ADCY9: variants seen among roughly 807,000 people sequenced by gnomAD.
ADCY9 encodes adenylate cyclase type 9.
ADCY9 carries 50 observed loss-of-function variants against 101.5 expected under a neutral mutation model. The observed-to-expected ratio is 0.49, with a 90% CI of 0.39 to 0.62. The LOEUF (loss-of-function observed/expected upper bound fraction) is 0.62. ADCY9 is among the 20% of genes least tolerant of loss of function. The pLI is 0.00. For synonymous variants in ADCY9, 905 were observed against 769.3 expected (o/e 1.18, Z -2.92); for missense variants, 1,662 against 1,800.4 (o/e 0.92, Z 1.39).
chr16:4,057,038 G>C (rs12926615), intron 2 of ADCY9, among the ~76,000 whole-genome samples: 1,761 of 81,940 alleles, frequency 0.021, 51 homozygotes, highest in African/African-American at 0.036. Context: ...TGATGAAACC[G>C]CCCCCCCCCC....
intron 2 of ADCY9, among the ~76,000 whole-genome samples, chr16:4,045,482 C>A (rs1597188556): frequency 6.7e-6 from 1 of 150,084 alleles, no homozygotes; most frequent in African/African-American, 2.4e-5. Context: ...GTAATCCCAG[C>A]TACTCAGGAG....
chr16:4,114,558 C>A lies in ADCY9; in HGVS notation c.885G>T (p.Gly295=). The stretch of plus-strand genomic sequence containing the variant: ...CCTGGGACATGACGAACAGGTGGAC[C>A]CCGATGGCGTGGATGCAGCCGTGGA... ...GLLHGCIHAI[G]VHLFVMSQVR... is the part of the protein sequence containing the mutation. Residue 295 remains glycine, a synonymous_variant, in exon 2 of 11, where the codon GGG becomes GGT. Transcript: ENST00000294016. This position sits in a 1 kb window ranked among gnomAD's most constrained non-coding sequence, Gnocchi z 4.3. 6.2e-7 allele frequency: 1 copy of A among 1,614,106 alleles called. No homozygotes were observed. Among genetic ancestry groups the A allele is most frequent in the East Asian group, 2.2e-5 (1 of 44,880 alleles).
intron 2 of ADCY9, among the ~76,000 whole-genome samples, chr16:4,051,668 G>A (rs2056702877): frequency 6.6e-6 from 1 of 152,158 alleles, no homozygotes; most frequent in Admixed American, 6.5e-5. Flanking sequence ...TAATGGTAAT[G>A]AATTATAACC....
At chr16:3,975,311 GTTTCC>G (rs949725821) in intron 9 of ADCY9, among the ~76,000 whole-genome samples, 1 of 152,170 alleles carries the variant, frequency 6.6e-6, no homozygotes, top group East Asian at 1.9e-4. Context: ...ATTCATTAAA[GTTTCC>G]TTTCAAGTAC....
chr16:4,061,516 G>C (rs922998327), intron 2 of ADCY9, among the ~76,000 whole-genome samples: 1 of 152,072 alleles, frequency 6.6e-6, no homozygotes, highest in African/African-American at 2.4e-5. Context: ...ATTAACAGCT[G>C]ACTTCACGTT....
At chr16:4,040,446 G>T (rs1304636317) in intron 2 of ADCY9, among the ~76,000 whole-genome samples, 1 of 149,184 alleles carries the variant, frequency 6.7e-6, no homozygotes, top group Non-Finnish European at 1.5e-5. Context: ...TCATTAAAAT[G>T]ACATCTTCTT....
At chr16:4,092,006 C>G (rs556563838) in intron 2 of ADCY9, among the ~76,000 whole-genome samples, 1 of 152,250 alleles carries the variant, frequency 6.6e-6, no homozygotes, top group South Asian at 2.1e-4. Context: ...CTGTGGCTCA[C>G]GCCTGTAATC....
At chr16:4,019,247 G>C (rs767859980) in intron 2 of ADCY9, among the ~76,000 whole-genome samples, 3 of 152,126 alleles carry the variant, frequency 2.0e-5, no homozygotes, top group Non-Finnish European at 4.4e-5. Context: ...CTGCCAAAGT[G>C]CTGGAATTAC....
chr16:3,983,838 T>C (rs1006646145), intron 6 of ADCY9: 2 of 187,648 alleles, frequency 1.1e-5, no homozygotes, highest in South Asian at 1.2e-4. Flanking sequence ...CGCAGGAGGA[T>C]TGTGTGAGCC....
At chr16:4,057,426 T>A (rs1379528089) in intron 2 of ADCY9, among the ~76,000 whole-genome samples, 14 of 152,176 alleles carry the variant, frequency 9.2e-5, no homozygotes, top group Non-Finnish European at 8.8e-5. Flanking sequence ...AACACTTTCA[T>A]CACCCCAGAA....
At chr16:4,079,982 C>T (rs2056891870) in intron 2 of ADCY9, among the ~76,000 whole-genome samples, 1 of 151,944 alleles carries the variant, frequency 6.6e-6, no homozygotes, top group African/African-American at 2.4e-5. Context: ...AAACAGAGAG[C>T]TTCAAAAGTC....
At chr16:3,967,056 A>C in intron 10 of ADCY9, 90 bp from the exon 11 acceptor site, 1 of 1,091,136 alleles carries the variant, frequency 9.2e-7, no homozygotes, top group South Asian at 1.6e-5. Context: ...AGCTTTGTTG[A>C]GTCCAGGCCT....
At chr16:4,018,636 G>C (rs1470451808) in intron 2 of ADCY9, among the ~76,000 whole-genome samples, 1 of 152,176 alleles carries the variant, frequency 6.6e-6, no homozygotes, top group East Asian at 1.9e-4. Context: ...CTGCAGCACA[G>C]GCACATGCTT....
Position 3,966,635 on chromosome 16 carries a change from T to A in ADCY9, c.3202A>T (p.Ser1068Cys). 6.2e-7 allele frequency: 1 copy of A among 1,614,142 alleles called. No homozygotes were observed. The highest frequency in any genetic ancestry group is 8.5e-7 in the Non-Finnish European group (1 of 1,180,032). Residue 1068 changes from serine to cysteine, a missense_variant, in exon 11 of 11, where the codon AGC (serine) becomes TGC (cysteine). Transcript: ENST00000294016. ...TCGTAGTTCTCCTCGTAGAACTCGCTGAAGTTGACGATGCTGGCGAAGATC... is the reference window on the plus strand; with the variant it reads ...TCGTAGTTCTCCTCGTAGAACTCGCAGAAGTTGACGATGCTGGCGAAGATC... ...GVIFASIVNF[S>C]EFYEENYEGG...
intron 10 of ADCY9, among the ~76,000 whole-genome samples, chr16:3,969,465 C>T (rs1234359598): frequency 6.9e-6 from 1 of 144,436 alleles, no homozygotes; most frequent in African/African-American, 2.5e-5. Flanking sequence ...TCTCAAACTC[C>T]TGACCTAAAG....
intron 3 of ADCY9, among the ~76,000 whole-genome samples, chr16:4,000,041 C>T (rs2056318711): frequency 2.0e-5 from 3 of 152,296 alleles, no homozygotes; most frequent in South Asian, 4.1e-4. Flanking sequence ...TTGCCTGCTT[C>T]GTCTTCTCAA....
intron 7 of ADCY9, chr16:3,982,610 T>C (rs1366798031): frequency 6.6e-6 from 1 of 152,368 alleles, no homozygotes; most frequent in Non-Finnish European, 1.5e-5. Context: ...TAAAATGAGC[T>C]GTCTTTTTAT....
chr16:3,960,202 T>C (rs1334743246), downstream of ADCY9, among the ~76,000 whole-genome samples: 2 of 151,976 alleles, frequency 1.3e-5, no homozygotes, highest in Non-Finnish European at 2.9e-5. Context: ...TTTGCATTCG[T>C]GGACTCCTGA....
intron 2 of ADCY9, among the ~76,000 whole-genome samples, chr16:4,038,947 T>A (rs531398075): frequency 1.3e-5 from 2 of 152,260 alleles, no homozygotes; most frequent in South Asian, 4.1e-4. Context: ...TATCACCCCA[T>A]AAGCCTTGCT....
Sources: allele counts gnomAD v4.1 joint callset (sites outside exome capture counted in the v4.1 genomes callset), GRCh38; gene constraint gnomAD v4.1.1; non-coding constraint Gnocchi (gnomAD v3.1); transcripts MANE v1.5; gene names NCBI Gene and HGNC (gene_info 2026-07-23, HGNC 2026-07-21).